Variants in CCNQ observed in about 807,000 individuals in gnomAD.
CCNQ encodes the protein cyclin-Q.
Under a neutral mutation model 17.7 loss-of-function variants are expected in CCNQ, and 3 were observed. The ratio of observed to expected loss-of-function variants is 0.17; its 90% CI spans 0.08 to 0.44. CCNQ has a LOEUF of 0.44. CCNQ is among the 20% of genes least tolerant of loss of function. The pLI is 0.99. For missense variants in CCNQ, 146 were observed against 222.6 expected (o/e 0.66, Z 2.19); for synonymous variants, 73 against 96.0 (o/e 0.76, Z 1.40).
intron 3 of CCNQ, 69 bp downstream of exon 3, chrX:153,594,478 C>A: frequency 8.5e-7 from 1 of 1,175,687 alleles, no homozygotes; most frequent in African/African-American, 1.8e-5. Flanking sequence ...ATGGGATGCA[C>A]TTTTGGGATA....
chrX:153,592,906 C>T lies in CCNQ; in HGVS notation c.430-173G>A, dbSNP rs782329804. Among the ~76,000 whole-genome samples, 195 of 112,273 alleles carry T rather than the reference C, an allele frequency of 1.7e-3. 1 individual carries two copies. The highest frequency in any genetic ancestry group is 6.1e-3 in the African/African-American group (188 of 30,929). On this transcript the variant is annotated intron_variant, in intron 3 of 4. Coordinates refer to ENST00000576892, the MANE Select transcript of CCNQ (RefSeq NM_152274.5). The stretch of plus-strand genomic sequence containing the variant: ...CGATCCCACCCTGCCTTCCAGCAAA[C>T]CCCATCTAGGGCCTTCGCACTTGCT...
rs782441605 is a variant in CCNQ, at chrX:153,596,191, C to T, written c.113-4G>A. 2 of 1,211,611 alleles carry T rather than the reference C, an allele frequency of 1.7e-6. No homozygotes were observed. The highest frequency in any genetic ancestry group is 5.9e-5 in the East Asian group (2 of 33,846). Reference sequence around the variant, plus strand: ...GACCGCATCCCTAGCTTGACACCTGCGGAGAGAAAGCAGGCAAGAGAGGAC... The same window carrying T: ...GACCGCATCCCTAGCTTGACACCTGTGGAGAGAAAGCAGGCAAGAGAGGAC... On this transcript the variant is annotated splice_region_variant and splice_polypyrimidine_tract_variant and intron_variant, in intron 1 of 4. Transcript: ENST00000576892.
rs782808011 is a variant in CCNQ at position 153,592,554 on chromosome X, G to A, written c.609C>T (p.Tyr203=). 11 of 1,211,152 alleles carry A rather than the reference G, an allele frequency of 9.1e-6. No individual in the cohort carries two copies. The highest frequency in any genetic ancestry group is 3.0e-5 in the East Asian group (1 of 33,784). Residue 203 remains tyrosine (Y), a synonymous_variant, in exon 4 of 5, where the codon TAC becomes TAT. Coordinates refer to ENST00000576892, the MANE Select transcript of CCNQ (RefSeq NM_152274.5). ...VAVLYLALQV[Y]GVEVPAEVEA... is the part of the protein sequence containing the mutation. ...CGACCTCGGCGGGCACCTCAACTCC[G>A]TAGACCTGCAGGGCCAGGTAGAGCA...
In CCNQ at chrX:153,592,606, A is replaced by T. The variant is rs1557026045; in HGVS notation, c.557T>A (p.Phe186Tyr). ...CGCCACGGCGATGTGCTGGGCCTGG[A>T]AGCGGAGGCACAGCGCCCCATGGTA... is the stretch of plus-strand genomic sequence containing the variant. Reference protein sequence around the residue: ...DSYHGALCLRFQAQHIAVAVL... With the variant: ...DSYHGALCLRYQAQHIAVAVL... The change falls in exon 4 of 5, where the codon TTC becomes TAC. Residue 186 changes from phenylalanine to tyrosine, a missense_variant. By Grantham distance (22) the Phe-to-Tyr change is conservative. Coordinates refer to ENST00000576892, the MANE Select transcript of CCNQ (RefSeq NM_152274.5). 8.3e-7 allele frequency: 1 copy of T among 1,211,386 alleles called. No homozygotes were observed. The highest frequency in any genetic ancestry group is 1.1e-6 in the Non-Finnish European group (1 of 895,162).
At chrX:153,590,949 C>T (rs2090987076) in intron 4 of CCNQ, among the ~76,000 whole-genome samples, 1 of 112,201 alleles carries the variant, frequency 8.9e-6, no homozygotes, top group African/African-American at 3.2e-5. Flanking sequence ...CGACCTGCAT[C>T]ATTTCTGACC....
At chrX:153,595,674 G>GTTT (rs1557026839) in intron 2 of CCNQ, among the ~76,000 whole-genome samples, 21 of 112,283 alleles carry the variant, frequency 1.9e-4, no homozygotes, top group African/African-American at 6.8e-4. Flanking sequence ...TCTTCTGCCT[G>GTTT]CAGCCATCCC....
At position 153,588,287 on chromosome X, in the gene CCNQ, G is replaced by A. The variant is rs182984949; in HGVS notation, c.*78C>T. On this transcript the variant is annotated 3_prime_UTR_variant, in exon 5 of 5. Transcript: ENST00000576892. ...CCAGCTGGTCCTGTGGGGACCAGCC[G>A]TCATGGCGACGTGGTGACAATGTCC... The A allele has an allele frequency of 1.8e-5, 15 of 844,716 alleles. No homozygotes were observed. The highest frequency in any genetic ancestry group is 4.0e-5 in the African/African-American group (2 of 50,312). The allele number at this position is 844,716 out of a possible 1,213,427, so 69.6% of individuals were successfully genotyped here.
At chrX:153,597,813 G>A in intron 1 of CCNQ, 1 of 111,266 alleles carries the variant, frequency 9.0e-6, no homozygotes, top group Non-Finnish European at 1.9e-5. Context: ...CATTCCAGGA[G>A]ATGCCAGATA....
intron 4 of CCNQ, among the ~76,000 whole-genome samples, chrX:153,591,483 C>T (rs2090990891): frequency 8.9e-6 from 1 of 111,867 alleles, no homozygotes; most frequent in Non-Finnish European, 1.9e-5. Flanking sequence ...GGTACTGCCA[C>T]ACCAGGTGAG....
chrX:153,598,944 T>C lies in CCNQ; in HGVS notation c.112+18A>G. ...GGCCGCGGCGCCGCCTGTCCTGGCC[T>C]CCCCCGGCCGCGGTTACCTGCCTCC... On this transcript the variant is annotated intron_variant, in intron 1 of 4. Coordinates refer to ENST00000576892, the MANE Select transcript of CCNQ (RefSeq NM_152274.5). 1 of 1,101,688 alleles carries C rather than the reference T, an allele frequency of 9.1e-7. No individual in the cohort carries two copies. Among genetic ancestry groups the C allele is most frequent in the Non-Finnish European group, 1.2e-6 (1 of 835,055 alleles). 90.8% of individuals were successfully genotyped at this position (1,101,688 alleles called of 1,213,427 possible). A position where few individuals can be genotyped will look rare whatever the true frequency, so the allele number is the denominator to read the frequency against.
At chrX:153,590,986 A>C (rs1557025648) in intron 4 of CCNQ, among the ~76,000 whole-genome samples, 1 of 112,372 alleles carries the variant, frequency 8.9e-6, no homozygotes, top group Non-Finnish European at 1.9e-5. Flanking sequence ...TCATCTGGCA[A>C]GTCAGAGTGC....
chrX:153,590,099 G>A (rs782430042), intron 4 of CCNQ, among the ~76,000 whole-genome samples: 1 of 108,451 alleles, frequency 9.2e-6, no homozygotes, highest in Non-Finnish European at 1.9e-5. Flanking sequence ...GTGGTGGCAG[G>A]CACTTGTAAT....
At chrX:153,598,144 G>C (rs1482198729) in intron 1 of CCNQ, among the ~76,000 whole-genome samples, 1 of 111,187 alleles carries the variant, frequency 9.0e-6, no homozygotes, top group African/African-American at 3.3e-5. Context: ...GGCCGGACGA[G>C]GTAGCTCACG....
Position 153,588,214 on chromosome X carries a change from C to T in CCNQ, c.*151G>A, listed in dbSNP as rs1557024966. ...CTTCTAGGGACTGGCAAAGCGGCAG[C>T]ATGCCATTGCCTTCTCCAGCCCTTC... is the stretch of plus-strand genomic sequence containing the variant. On this transcript the variant is annotated 3_prime_UTR_variant, in exon 5 of 5. Coordinates refer to ENST00000576892, the MANE Select transcript of CCNQ (RefSeq NM_152274.5). The T allele has an allele frequency of 1.7e-6, 1 of 574,589 alleles. No homozygotes were observed. The allele number at this position is 574,589 out of a possible 1,213,427, so 47.4% of individuals were successfully genotyped here. A position where few individuals can be genotyped will look rare whatever the true frequency, so the allele number is the denominator to read the frequency against.
intron 2 of CCNQ, among the ~76,000 whole-genome samples, chrX:153,595,088 G>A (rs936679555): frequency 4.2e-4 from 47 of 112,599 alleles, no homozygotes; most frequent in African/African-American, 1.2e-3. Context: ...CTCTCACTCT[G>A]GGCCCAAGGA....
chrX:153,588,457 AG>A lies in CCNQ; in HGVS notation c.658-4del. 1 of 1,176,566 alleles carries A rather than the reference AG, an allele frequency of 8.5e-7. No individual in the cohort carries two copies. The highest frequency in any genetic ancestry group is 1.2e-6 in the Non-Finnish European group (1 of 863,182). ...TTGGTAAGGTCGTCATTAAACACCT[AG>A]AAAGAAGAAGGAAAACAGGTTCCAG... On this transcript the variant is annotated splice_polypyrimidine_tract_variant and splice_region_variant and intron_variant, in intron 4 of 4. Coordinates refer to ENST00000576892, the MANE Select transcript of CCNQ (RefSeq NM_152274.5).
intron 3 of CCNQ, among the ~76,000 whole-genome samples, chrX:153,593,746 G>A (rs2091007831): frequency 8.9e-6 from 1 of 112,641 alleles, no homozygotes; most frequent in Admixed American, 9.3e-5. Context: ...ATACACACAG[G>A]AATACAAGTG....
At chrX:153,594,511 G>A in intron 3 of CCNQ, 36 bp downstream of exon 3, 3 of 1,207,352 alleles carry the variant, frequency 2.5e-6, no homozygotes, top group Non-Finnish European at 3.4e-6. Flanking sequence ...CATGGCTTGA[G>A]CCTCTCCAAA....
chrX:153,590,869 G>A lies in CCNQ; in HGVS notation c.657+1637C>T, dbSNP rs144790961. Among the ~76,000 whole-genome samples the A allele has an allele frequency of 2.3e-3, 257 of 111,738 alleles. 6 individuals carry two copies. The East Asian group carries it at 0.058, about 25-fold the overall frequency. On this transcript the variant is annotated intron_variant, in intron 4 of 4. Transcript: ENST00000576892. ...CTGGAAAGAGGCAGGTTCTCCTTCT[G>A]CTCAGGAACAAGGGGATGGAGGGCA...
Sources: gnomAD v4.1 joint callset for allele counts (sites outside exome capture counted in the v4.1 genomes callset) on GRCh38, gnomAD v4.1.1 for gene constraint, MANE v1.5 for transcripts, NCBI Gene and HGNC (gene_info 2026-07-23, HGNC 2026-07-21) for gene names.